Variants in UNC5B observed in about 807,000 individuals in gnomAD.
UNC5B encodes the protein unc-5 netrin receptor B.
Under a neutral mutation model 103.7 loss-of-function variants are expected in UNC5B, and 56 were observed. The observed-to-expected ratio is 0.54, with a 90% CI of 0.44 to 0.67. The LOEUF is 0.67. Among genes scored for constraint, UNC5B ranks in the 30% least tolerant of loss-of-function variants. The pLI, the probability that UNC5B is intolerant of heterozygous loss-of-function variation, is 0.00. For missense variants in UNC5B, 1,194 were observed against 1,284.5 expected, an observed-to-expected ratio of 0.93 and a Z score of 1.08; for synonymous variants, 577 against 542.0, an observed-to-expected ratio of 1.06 and a Z score of -0.90.
intron 1 of UNC5B, among the ~76,000 whole-genome samples, chr10:71,223,719 G>A (rs1437012183): frequency 7.2e-6 from 1 of 138,684 alleles, no homozygotes; most frequent in Non-Finnish European, 1.7e-5. Flanking sequence ...ACTTTAAAAT[G>A]TTTCTTTCCT....
At chr10:71,227,641 C>CATACATATATATACACAT (rs1380946851) in intron 1 of UNC5B, among the ~76,000 whole-genome samples, 22 of 137,690 alleles carry the variant, frequency 1.6e-4, no homozygotes, top group African/African-American at 6.6e-4. Context: ...TATATATACA[C>CATACATATATATACACAT]ATATACATAT....
intron 1 of UNC5B, among the ~76,000 whole-genome samples, chr10:71,277,370 G>A (rs1844797034): frequency 6.6e-6 from 1 of 152,254 alleles, no homozygotes; most frequent in Non-Finnish European, 1.5e-5. Flanking sequence ...AGACCCAGGG[G>A]CCTCTTGAGT....
intron 2 of UNC5B, among the ~76,000 whole-genome samples, chr10:71,281,042 T>C (rs950162647): frequency 6.6e-6 from 1 of 152,202 alleles, no homozygotes; most frequent in Non-Finnish European, 1.5e-5. Flanking sequence ...GTTTTGCTTC[T>C]TTCTTTTTCT....
intron 11 of UNC5B, among the ~76,000 whole-genome samples, chr10:71,292,827 T>G (rs1845300861): frequency 6.6e-6 from 1 of 152,116 alleles, no homozygotes; most frequent in African/African-American, 2.4e-5. Flanking sequence ...AGTAAACATC[T>G]CACTGTGAAA....
intron 13 of UNC5B, 111 bp downstream of exon 13, chr10:71,294,044 C>T: frequency 1.0e-6 from 1 of 997,496 alleles, no homozygotes; most frequent in Non-Finnish European, 1.4e-6. Context: ...TCCCCGCCAC[C>T]AGCATTATTA....
intron 1 of UNC5B, among the ~76,000 whole-genome samples, chr10:71,218,859 C>T (rs907040601): frequency 6.6e-6 from 1 of 152,184 alleles, no homozygotes; most frequent in Non-Finnish European, 1.5e-5. Context: ...TGGGTGGGAT[C>T]CCCAGTGGAG....
At chr10:71,283,268 A>G (rs1156694472) in intron 2 of UNC5B, among the ~76,000 whole-genome samples, 1 of 152,192 alleles carries the variant, frequency 6.6e-6, no homozygotes, top group Admixed American at 6.5e-5. Flanking sequence ...TTCAAAGGTA[A>G]CAGAAGAAGC....
intron 1 of UNC5B, among the ~76,000 whole-genome samples, chr10:71,242,353 T>C (rs989038394): frequency 1.1e-4 from 17 of 152,124 alleles, no homozygotes; most frequent in African/African-American, 4.1e-4. Context: ...CATTGTGAGG[T>C]ACTTTGAGGT....
At chr10:71,275,938 C>T (rs1844760933) in intron 1 of UNC5B, among the ~76,000 whole-genome samples, 1 of 152,024 alleles carries the variant, frequency 6.6e-6, no homozygotes, top group Non-Finnish European at 1.5e-5. Flanking sequence ...CTTGAGTAAC[C>T]CATGACAAAC....
rs754929185 is a variant in UNC5B, at chr10:71,300,869, G to C, written c.*1592G>C. On this transcript the variant is annotated 3_prime_UTR_variant, in exon 17 of 17. Coordinates refer to ENST00000335350, the MANE Select transcript of UNC5B (RefSeq NM_170744.5). ...CTATAACCCTCCTCTCACCCACCCC[G>C]CTACGGTCTGAGAGATCTGAAATAA... 2.0e-5 allele frequency: 3 copies of C among 152,288 alleles called. No homozygotes were observed. The highest frequency in any genetic ancestry group is 2.9e-5 in the Non-Finnish European group (2 of 68,140). 9.4% of individuals were successfully genotyped at this position (152,288 alleles called of 1,614,324 possible).
At chr10:71,277,694 C>A (rs184030522) in intron 1 of UNC5B, among the ~76,000 whole-genome samples, 7 of 152,338 alleles carry the variant, frequency 4.6e-5, no homozygotes, top group African/African-American at 1.7e-4. Context: ...GTGAATGTAT[C>A]CCTGTACCTG....
intron 1 of UNC5B, among the ~76,000 whole-genome samples, chr10:71,243,284 A>C (rs1017116842): frequency 6.6e-5 from 10 of 152,066 alleles, no homozygotes; most frequent in African/African-American, 2.4e-4. Context: ...AGGGCCAAGC[A>C]GAAAGAGCCT....
rs894027863 is a variant in UNC5B at position 71,291,563 on chromosome 10, C to T, written c.1426C>T (p.Pro476Ser). Residue 476 changes from proline to serine, a missense_variant, in exon 10 of 17, where the codon CCC becomes TCC. By Grantham distance (74) the Pro-to-Ser change is moderately conservative. Transcript: ENST00000335350. ...IPMTNSPLLD[P>S]LPSLKVKVYS... ...CATGACCAACTCTCCTCTGCTGGAC[C>T]CCTTACCCAGCCTTAAGGTCAAGGT... 1.2e-6 allele frequency: 2 copies of T among 1,614,078 alleles called. No homozygotes were observed. The highest frequency in any genetic ancestry group is 1.7e-6 in the Non-Finnish European group (2 of 1,180,052).
At chr10:71,284,312 G>A (rs1845006627) in intron 2 of UNC5B, among the ~76,000 whole-genome samples, 1 of 152,154 alleles carries the variant, frequency 6.6e-6, no homozygotes, top group African/African-American at 2.4e-5. Flanking sequence ...GGGAACATGA[G>A]GGCCTGGAAG....
chr10:71,213,126 G>T lies in UNC5B; in HGVS notation c.79+62G>T, dbSNP rs1843261715. ...GGACCCTTGCGCCTCACTCTGTCCTGAAGTTGAGGTGGTCTTTCGTCGCAT... is the reference window on the plus strand; with the variant it reads ...GGACCCTTGCGCCTCACTCTGTCCTTAAGTTGAGGTGGTCTTTCGTCGCAT... On this transcript the variant is annotated intron_variant, in intron 1 of 16. Coordinates refer to ENST00000335350, the MANE Select transcript of UNC5B (RefSeq NM_170744.5). This position sits in a 1 kb window ranked among gnomAD's most constrained non-coding sequence, Gnocchi z 4.1. 1 of 1,190,862 alleles carries T rather than the reference G, an allele frequency of 8.4e-7. No individual in the cohort carries two copies. 73.8% of individuals were successfully genotyped at this position (1,190,862 alleles called of 1,614,324 possible).
intron 1 of UNC5B, among the ~76,000 whole-genome samples, chr10:71,240,657 G>A (rs760977978): frequency 1.3e-5 from 2 of 152,196 alleles, no homozygotes; most frequent in African/African-American, 2.4e-5. Flanking sequence ...GCAGCTGCCC[G>A]CCGCCTGCTC....
At chr10:71,222,676 G>A (rs929483651) in intron 1 of UNC5B, among the ~76,000 whole-genome samples, 2 of 152,222 alleles carry the variant, frequency 1.3e-5, no homozygotes, top group Non-Finnish European at 2.9e-5. Context: ...GGCAGGAAGA[G>A]AGAGGCTGCT....
intron 1 of UNC5B, among the ~76,000 whole-genome samples, chr10:71,252,823 C>T (rs1246224660): frequency 1.3e-5 from 2 of 152,158 alleles, no homozygotes; most frequent in Non-Finnish European, 2.9e-5. Flanking sequence ...GGAGTGACAG[C>T]AGGAGCCCCA....
intron 14 of UNC5B, 109 bp downstream of exon 14, chr10:71,296,069 C>G: frequency 6.9e-7 from 1 of 1,451,546 alleles, no homozygotes; most frequent in Non-Finnish European, 9.3e-7. Context: ...CCTTACCCCT[C>G]CCTGGATCTC....
Sources: allele counts gnomAD v4.1 joint callset (sites outside exome capture counted in the v4.1 genomes callset), GRCh38; gene constraint gnomAD v4.1.1; non-coding constraint Gnocchi (gnomAD v3.1); transcripts MANE v1.5; gene names NCBI Gene and HGNC (gene_info 2026-07-23, HGNC 2026-07-21).